Variants in SAMD12 observed in about 807,000 individuals in gnomAD.
SAMD12 encodes the protein sterile alpha motif domain containing 12.
Under a neutral mutation model 15.0 loss-of-function variants are expected in SAMD12, and 9 were observed. That is an observed-to-expected ratio of 0.60 (90% CI 0.36 to 1.05). SAMD12 has a LOEUF of 1.05. SAMD12 is among the 50% of genes least tolerant of loss of function. The pLI, the probability that SAMD12 is intolerant of heterozygous loss-of-function variation, is 0.01. For missense variants in SAMD12, 230 were observed against 234.2 expected, an observed-to-expected ratio of 0.98 and a Z score of 0.12; for synonymous variants, 86 against 90.1, an observed-to-expected ratio of 0.96 and a Z score of 0.25.
chr8:118,404,956 C>T (rs1821056333), intron 3 of SAMD12, among the ~76,000 whole-genome samples: 1 of 152,094 alleles, frequency 6.6e-6, no homozygotes, highest in African/African-American at 2.4e-5. Context: ...ACCACCATGC[C>T]CAGCCTACTA....
chr8:118,369,630 G>T (rs990787345), intron 4 of SAMD12, among the ~76,000 whole-genome samples: 4 of 151,962 alleles, frequency 2.6e-5, no homozygotes, highest in Non-Finnish European at 4.4e-5. Flanking sequence ...CAGGAGAATC[G>T]CTTGAACCTA....
chr8:118,455,566 A>C (rs539581124), intron 2 of SAMD12, among the ~76,000 whole-genome samples: 1 of 152,210 alleles, frequency 6.6e-6, no homozygotes, highest in South Asian at 2.1e-4. Flanking sequence ...CTGGCTTTAA[A>C]TATTGTCAAT....
intron 2 of SAMD12, among the ~76,000 whole-genome samples, chr8:118,539,228 G>A (rs543140553): frequency 2.6e-5 from 4 of 152,260 alleles, no homozygotes; most frequent in South Asian, 2.1e-4. Flanking sequence ...ATGGAATCAC[G>A]AAGTCCAGGA....
chr8:118,167,955 T>A, the SAMD12 span, among the ~76,000 whole-genome samples: 4 of 152,114 alleles, frequency 2.6e-5, no homozygotes, highest in Non-Finnish European at 4.4e-5. Flanking sequence ...AAATCTCAAC[T>A]TGAATTGTAT....
chr8:118,440,657 AACACACACACACACACACAC>A (rs34419362), intron 2 of SAMD12, among the ~76,000 whole-genome samples: 21 of 142,210 alleles, frequency 1.5e-4, no homozygotes, highest in African/African-American at 5.3e-4. Context: ...TTATGAGGAA[AACACACACACACACACACAC>A]ACACACACAC....
chr8:118,486,136 T>C (rs757190557), intron 2 of SAMD12, among the ~76,000 whole-genome samples: 5 of 152,074 alleles, frequency 3.3e-5, no homozygotes, highest in East Asian at 1.9e-4. Context: ...GAGAGTAGGC[T>C]GGGGGTGGTG....
intron 4 of SAMD12, among the ~76,000 whole-genome samples, chr8:118,321,144 A>AATAAATATATATATATATATATATATAT (rs57107358): frequency 2.1e-5 from 2 of 94,508 alleles, no homozygotes; most frequent in Admixed American, 1.3e-4. Flanking sequence ...ATAGATAATA[A>AATAAATATATATATATATATATATATAT]ATATATATAT....
chr8:118,252,490 C>CTCTTA (rs113473255), intron 4 of SAMD12, among the ~76,000 whole-genome samples: 16,595 of 152,088 alleles, frequency 0.11, 2,836 homozygotes, highest in African/African-American at 0.36. Context: ...TGGTAGTGCT[C>CTCTTA]TCTTGACTAG....
intron 2 of SAMD12, among the ~76,000 whole-genome samples, chr8:118,575,687 T>C (rs893245144): frequency 6.6e-6 from 1 of 152,100 alleles, no homozygotes; most frequent in Non-Finnish European, 1.5e-5. Flanking sequence ...CTCCAGGAAT[T>C]AGCATTGTGG....
At chr8:118,619,313 T>C (rs1458403874) in intron 1 of SAMD12, among the ~76,000 whole-genome samples, 1 of 151,870 alleles carries the variant, frequency 6.6e-6, no homozygotes, top group African/African-American at 2.4e-5. Context: ...CCGTCTCTAC[T>C]AAAAATACCA....
At chr8:118,586,405 T>G (rs1235021414) in intron 1 of SAMD12, among the ~76,000 whole-genome samples, 1 of 150,956 alleles carries the variant, frequency 6.6e-6, no homozygotes, top group Admixed American at 6.6e-5. Flanking sequence ...TGCAGTGGTG[T>G]GATCATGGCT....
intron 4 of SAMD12, among the ~76,000 whole-genome samples, chr8:118,282,872 G>T (rs1813722124): frequency 6.6e-6 from 1 of 151,956 alleles, no homozygotes; most frequent in South Asian, 2.1e-4. Flanking sequence ...GTAGCTGTAT[G>T]TATACATATG....
chr8:118,333,948 GC>G (rs1816930390), intron 4 of SAMD12, among the ~76,000 whole-genome samples: 1 of 123,506 alleles, frequency 8.1e-6, no homozygotes, highest in Admixed American at 8.1e-5. Flanking sequence ...GTGTGTGTGT[GC>G]ACATTGGCGG....
intron 1 of SAMD12, among the ~76,000 whole-genome samples, chr8:118,598,885 T>C (rs1485114797): frequency 1.3e-5 from 2 of 152,164 alleles, no homozygotes; most frequent in East Asian, 1.9e-4. Context: ...TTGATCCTCA[T>C]AGAGCATCAG....
rs201599759 is a variant in SAMD12, at chr8:118,551,213, G to C, written c.192+29502C>G. Among the ~76,000 whole-genome samples the C allele has an allele frequency of 4.7e-3, 710 of 152,174 alleles. 8 individuals carry two copies. Among genetic ancestry groups the C allele is most frequent in the African/African-American group, 0.014 (588 of 41,536 alleles). On this transcript the variant is annotated intron_variant, in intron 2 of 3. Transcript: ENST00000314727. ...TACAGAACTCTCCACCCCAAATCAA[G>C]AGAATATACATTTTTTTCAGCACCA...
chr8:118,565,072 T>C (rs528398768), intron 2 of SAMD12, among the ~76,000 whole-genome samples: 22 of 152,186 alleles, frequency 1.4e-4, no homozygotes, highest in African/African-American at 4.6e-4. Flanking sequence ...GGAGGGGAAG[T>C]GGATGTTGGT....
At chr8:118,314,390 T>A (rs1008864761) in intron 4 of SAMD12, among the ~76,000 whole-genome samples, 3 of 152,038 alleles carry the variant, frequency 2.0e-5, no homozygotes, top group Non-Finnish European at 4.4e-5. Context: ...ATTTATATAA[T>A]CAATCAATTT....
chr8:118,496,367 A>T (rs1824610075), intron 2 of SAMD12, among the ~76,000 whole-genome samples: 1 of 152,226 alleles, frequency 6.6e-6, no homozygotes, highest in African/African-American at 2.4e-5. Flanking sequence ...TGGCATAAAA[A>T]CAGACACAGA....
chr8:118,135,956 C>T, the SAMD12 span, among the ~76,000 whole-genome samples: 9 of 152,326 alleles, frequency 5.9e-5, no homozygotes, highest in Admixed American at 2.0e-4. Context: ...TTCCTTCCCA[C>T]TCCCCCGCTT....
Sources: gnomAD v4.1 joint callset for allele counts (sites outside exome capture counted in the v4.1 genomes callset) on GRCh38, gnomAD v4.1.1 for gene constraint, MANE v1.5 for transcripts, NCBI Gene and HGNC (gene_info 2026-07-23, HGNC 2026-07-21) for gene names.